The following IGF2R variants were observed in gnomAD, a reference collection of about 807,000 sequenced individuals.
The protein encoded by IGF2R is insulin like growth factor 2 receptor, also known as cation-independent mannose-6-phosphate receptor.
A neutral mutation model predicts 270.6 loss-of-function variants in IGF2R; 91 were observed. The observed-to-expected ratio is 0.34, with a 90% CI of 0.28 to 0.40. The LOEUF (loss-of-function observed/expected upper bound fraction) is 0.40. Ranked by LOEUF, IGF2R falls within the 10% of genes least tolerant of loss-of-function variation. The probability of loss-of-function intolerance (pLI) is 1.00; values close to 1 mark genes in which losing one functional copy is unlikely to be tolerated. For missense variants in IGF2R, 2,805 were observed against 3,188.3 expected (o/e 0.88, Z 2.90); for synonymous variants, 1,316 against 1,258.9 (o/e 1.05, Z -0.96).
intron 44 of IGF2R, chr6:160,095,332 G>A (rs931587048): frequency 1.3e-5 from 2 of 152,504 alleles, no homozygotes; most frequent in East Asian, 1.9e-4. Flanking sequence ...CATGGTTTAT[G>A]CCTCAGTGTT....
At chr6:160,077,587 C>T (rs1469938814) in intron 36 of IGF2R, among the ~76,000 whole-genome samples, 1 of 152,192 alleles carries the variant, frequency 6.6e-6, no homozygotes, top group Non-Finnish European at 1.5e-5. Flanking sequence ...TGTGTTCTAG[C>T]GTTCCAGAAA....
intron 1 of IGF2R, among the ~76,000 whole-genome samples, chr6:159,980,231 G>GAAAGAAAGGAAAGAAAGAAAGGAAAGA (rs1554234687): frequency 8.7e-6 from 1 of 114,422 alleles, no homozygotes. Context: ...AAGAAAGAAA[G>GAAAGAAAGGAAAGAAAGAAAGGAAAGA]AAAGAAAGGT....
At chr6:160,092,002 C>T (rs966808552) in intron 44 of IGF2R, among the ~76,000 whole-genome samples, 1 of 152,272 alleles carries the variant, frequency 6.6e-6, no homozygotes, top group African/African-American at 2.4e-5. Flanking sequence ...GCTGGAATGC[C>T]TTGGCCCACC....
Position 160,050,098 on chromosome 6 carries a change from T to C in IGF2R, c.2515-375T>C, listed in dbSNP as rs1778159390. On this transcript the variant is annotated intron_variant, in intron 18 of 47. Coordinates refer to ENST00000356956, the MANE Select transcript of IGF2R (RefSeq NM_000876.4). The surrounding 1 kb of genome is among the most constrained non-coding windows in gnomAD (Gnocchi z 4.0). ...CTTCATAGTGGTTAGTGTCAGCCGTTCCACCGGAATTCAGGATCTGAAGAA... is the reference window on the plus strand; with the variant it reads ...CTTCATAGTGGTTAGTGTCAGCCGTCCCACCGGAATTCAGGATCTGAAGAA... 6.6e-6 allele frequency among the ~76,000 whole-genome samples: 1 copy of C among 152,174 alleles called. No individual in the cohort carries two copies. The highest frequency in any genetic ancestry group is 1.5e-5 in the Non-Finnish European group (1 of 68,034).
At chr6:160,087,955 G>A in intron 41 of IGF2R, 78 bp from the exon 42 acceptor site, 2 of 852,670 alleles carry the variant, frequency 2.3e-6, no homozygotes, top group Non-Finnish European at 4.0e-6. Flanking sequence ...GAATTGACAG[G>A]TGTGAGCCAC....
intron 2 of IGF2R, chr6:160,006,210 C>CG (rs1235208416): frequency 6.4e-6 from 1 of 157,466 alleles, no homozygotes; most frequent in African/African-American, 2.4e-5. Context: ...CGCGCCTCCC[C>CG]CCTCGCGCCT....
At chr6:160,079,285 C>A (rs143310590) in intron 37 of IGF2R, among the ~76,000 whole-genome samples, 161 of 152,340 alleles carry the variant, frequency 1.1e-3, no homozygotes, top group African/African-American at 3.8e-3. Context: ...ACTGCTGGGT[C>A]CCTTCTCACT....
At chr6:160,007,424 A>G (rs1784261235) in intron 2 of IGF2R, 1 of 152,250 alleles carries the variant, frequency 6.6e-6, no homozygotes, top group South Asian at 2.1e-4. Context: ...TGTAAATGGT[A>G]TACCATTTTG....
At chr6:159,979,443 T>C (rs995971648) in intron 1 of IGF2R, among the ~76,000 whole-genome samples, 3 of 152,082 alleles carry the variant, frequency 2.0e-5, no homozygotes, top group African/African-American at 7.2e-5. Flanking sequence ...TCTCGAAGCG[T>C]CAGTTATACC....
intron 10 of IGF2R, among the ~76,000 whole-genome samples, chr6:160,038,164 T>A (rs1467107459): frequency 1.3e-5 from 2 of 152,154 alleles, no homozygotes; most frequent in East Asian, 3.9e-4. Flanking sequence ...CACAAAGTGG[T>A]GTGCTGGAGA....
chr6:159,982,457 G>A (rs1324259327), intron 1 of IGF2R, among the ~76,000 whole-genome samples: 1 of 152,206 alleles, frequency 6.6e-6, no homozygotes. Context: ...TCTCCAACAT[G>A]TTAGATTTGT....
At chr6:160,089,274 C>A in intron 43 of IGF2R, 21 bp downstream of exon 43, 1 of 1,593,908 alleles carries the variant, frequency 6.3e-7, no homozygotes, top group Non-Finnish European at 8.6e-7. Context: ...CGTTTTCCTT[C>A]TGAGCTGTGA....
At position 160,088,088 on chromosome 6, in the gene IGF2R, C is replaced by A; in HGVS notation, c.6261C>A (p.Thr2087=). ...GTTATCCGTGTGGTGGAAATAAGACCGCATCCTCCGTGATAGAATTGACCT... is the reference window on the plus strand; with the variant it reads ...GTTATCCGTGTGGTGGAAATAAGACAGCATCCTCCGTGATAGAATTGACCT... The part of the protein sequence containing the change: ...SKGYPCGGNK[T]ASSVIELTCT... The change falls in exon 42 of 48, where the codon ACC becomes ACA. Residue 2087 remains threonine (T), a synonymous_variant. Coordinates refer to ENST00000356956, the MANE Select transcript of IGF2R (RefSeq NM_000876.4). The A allele has an allele frequency of 6.2e-7, 1 of 1,613,970 alleles. No individual in the cohort carries two copies. The highest frequency in any genetic ancestry group is 8.5e-7 in the Non-Finnish European group (1 of 1,179,840).
chr6:160,029,458 C>A (rs563576730), intron 6 of IGF2R, 92 bp from the exon 7 acceptor site: 18 of 716,448 alleles, frequency 2.5e-5, no homozygotes, highest in Middle Eastern at 4.8e-4. Flanking sequence ...CTCCTCCCCC[C>A]CAAGTGAATG....
intron 1 of IGF2R, among the ~76,000 whole-genome samples, chr6:159,972,805 A>C (rs1447891844): frequency 1.3e-5 from 2 of 152,216 alleles, no homozygotes; most frequent in East Asian, 3.8e-4. Context: ...CTGCCCTCTG[A>C]GTTGTGCATT....
rs775879753 is a variant in IGF2R, at chr6:159,991,259, C to T, written c.225C>T (p.Val75=). ...ACATCTGTGGAAGTGTGGATATTGT[C>T]CAGTGCGGGCCATCAAGTGCTGTTT... is the stretch of plus-strand genomic sequence containing the variant. ...KINICGSVDI[V]QCGPSSAVCM... is the part of the protein sequence containing the mutation. The change falls in exon 2 of 48, where the codon GTC becomes GTT. Residue 75 remains valine (V), a synonymous_variant. Coordinates refer to ENST00000356956, the MANE Select transcript of IGF2R (RefSeq NM_000876.4). 1.9e-5 allele frequency: 31 copies of T among 1,613,772 alleles called. No individual in the cohort carries two copies. The South Asian group carries it at 2.9e-4, about 15-fold the overall frequency.
rs142223284 is a variant in IGF2R at position 160,063,523 on chromosome 6, G to A, written c.3779G>A (p.Arg1260Gln). 4 of 1,614,004 alleles carry A rather than the reference G, an allele frequency of 2.5e-6. No homozygotes were observed. In the African/African-American group the frequency reaches 4.0e-5, roughly 16 times the overall value. Residue 1260 changes from arginine (R) to glutamine (Q), a missense_variant, in exon 27 of 48, where the codon CGG becomes CAG. By Grantham distance (43) the Arg-to-Gln change is conservative. This residue lies in a region of IGF2R where 1,851 missense variants were observed against 2,207.2 expected (regional missense o/e 0.84). Transcript: ENST00000356956. ...GCTGGCGAATACACTTATTACTTCC[G>A]GGTCTGTGGGAAGCTTTCCTCAGAC... ...VSAGEYTYYF[R>Q]VCGKLSSDVC...
intron 24 of IGF2R, 43 bp from the exon 25 acceptor site, chr6:160,061,710 C>A: frequency 6.2e-7 from 1 of 1,613,392 alleles, no homozygotes; most frequent in South Asian, 1.1e-5. Context: ...GACTCAAGGT[C>A]ATCGCCTTCC....
At chr6:160,008,042 T>C (rs1000480997) in intron 2 of IGF2R, among the ~76,000 whole-genome samples, 4 of 152,182 alleles carry the variant, frequency 2.6e-5, no homozygotes, top group Admixed American at 2.6e-4. Flanking sequence ...TAAAATACAC[T>C]AATACTCATG....
Sources: gnomAD v4.1 joint callset for allele counts (sites outside exome capture counted in the v4.1 genomes callset) on GRCh38, gnomAD v4.1.1 for gene constraint, gnomAD v4.1.1 regional missense constraint, Gnocchi (gnomAD v3.1) non-coding constraint, MANE v1.5 for transcripts, NCBI Gene and HGNC (gene_info 2026-07-23, HGNC 2026-07-21) for gene names.